The following IRAK3 variants were observed in gnomAD, a reference collection of about 807,000 sequenced individuals.
The protein encoded by IRAK3 is interleukin-1 receptor-associated kinase 3.
Under a neutral mutation model 56.6 loss-of-function variants are expected in IRAK3, and 57 were observed. That is an observed-to-expected ratio of 1.01 (90% CI 0.81 to 1.26). The LOEUF is 1.26. Ranked by LOEUF, IRAK3 falls within the 50% of genes most tolerant of loss-of-function variation. The pLI is 0.00. For synonymous variants in IRAK3, 258 were observed against 255.7 expected, an observed-to-expected ratio of 1.01 and a Z score of -0.09; for missense variants, 703 against 719.0, an observed-to-expected ratio of 0.98 and a Z score of 0.25.
intron 8 of IRAK3, chr12:66,234,311 G>C (rs1010913654): frequency 1.2e-6 from 2 of 1,612,674 alleles, no homozygotes; most frequent in Non-Finnish European, 1.7e-6. Flanking sequence ...TAGTGACATG[G>C]TGTGCTCCAT....
chr12:66,211,918 C>G (rs1185946980), intron 5 of IRAK3, among the ~76,000 whole-genome samples: 1 of 152,084 alleles, frequency 6.6e-6, no homozygotes, highest in East Asian at 1.9e-4. Context: ...TGAGACCAGC[C>G]TGATCAACAG....
chr12:66,244,816 G>A (rs2053010790), intron 9 of IRAK3, 132 bp downstream of exon 9: 3 of 1,059,288 alleles, frequency 2.8e-6, no homozygotes, highest in Non-Finnish European at 4.3e-6. Context: ...TTAATTTTGT[G>A]TAATCAAGCA....
At chr12:66,235,317 G>GCGGGCA in intron 8 of IRAK3, 1 of 1,230,448 alleles carries the variant, frequency 8.1e-7, no homozygotes, top group South Asian at 2.5e-5. Context: ...GGGCGCGGGC[G>GCGGGCA]CGGGGCAGCC....
Position 66,244,426 on chromosome 12 carries a change from T to G in IRAK3, c.888-60T>G, listed in dbSNP as rs578146425. ...GAAGAAGGTGAGTTTATAGTATGTTTGTTTACACTGAAGTGCCTTTATGAT... is the reference window on the plus strand; with the variant it reads ...GAAGAAGGTGAGTTTATAGTATGTTGGTTTACACTGAAGTGCCTTTATGAT... On this transcript the variant is annotated intron_variant, in intron 8 of 11. Transcript: ENST00000261233. 1.1e-4 allele frequency: 141 copies of G among 1,259,306 alleles called. 5 individuals carry two copies. The South Asian group carries it at 1.7e-3, about 15-fold the overall frequency. 78.0% of individuals were successfully genotyped at this position (1,259,306 alleles called of 1,614,324 possible). A position where few individuals can be genotyped will look rare whatever the true frequency, so the allele number is the denominator to read the frequency against.
chr12:66,225,142 A>G (rs2052772656), intron 6 of IRAK3, among the ~76,000 whole-genome samples: 1 of 152,112 alleles, frequency 6.6e-6, no homozygotes, highest in African/African-American at 2.4e-5. Flanking sequence ...GGCTCTGTCT[A>G]TCTGATGTCC....
chr12:66,197,387 C>T (rs1164423256), intron 1 of IRAK3: 1 of 991,548 alleles, frequency 1.0e-6, no homozygotes, highest in African/African-American at 1.7e-5. Flanking sequence ...ATGTAATTAA[C>T]ATGTTGAGAG....
At chr12:66,238,353 T>A (rs987890888) in intron 8 of IRAK3, among the ~76,000 whole-genome samples, 1 of 152,184 alleles carries the variant, frequency 6.6e-6, no homozygotes, top group African/African-American at 2.4e-5. Context: ...CCAGCAAGCC[T>A]GAGTTCAGGT....
chr12:66,232,728 C>T (rs1473872848), intron 8 of IRAK3, among the ~76,000 whole-genome samples: 1 of 152,094 alleles, frequency 6.6e-6, no homozygotes, highest in African/African-American at 2.4e-5. Context: ...GCCTGTTTTG[C>T]CTTTGTCATA....
chr12:66,236,853 G>A (rs1229655134), intron 8 of IRAK3, among the ~76,000 whole-genome samples: 1 of 152,236 alleles, frequency 6.6e-6, no homozygotes, highest in South Asian at 2.1e-4. Context: ...ATCAGAATGA[G>A]GTCAGATATG....
chr12:66,201,526 A>G (rs1193883512), intron 1 of IRAK3, among the ~76,000 whole-genome samples: 1 of 152,196 alleles, frequency 6.6e-6, no homozygotes, highest in Non-Finnish European at 1.5e-5. Context: ...GATTGGGAAT[A>G]TTATCATAGG....
chr12:66,234,933 A>T lies in IRAK3; in HGVS notation c.887+6563A>T, dbSNP rs537198433. 2.4e-4 allele frequency: 383 copies of T among 1,614,196 alleles called. 4 individuals are homozygous for T. The African/African-American group carries it at 4.6e-3, about 20-fold the overall frequency. ...TGAACCCCACTGGCCTTCAGGGCAGACACAGCTTTTTGAGCTGCTGCAGGG... is the reference window on the plus strand; with the variant it reads ...TGAACCCCACTGGCCTTCAGGGCAGTCACAGCTTTTTGAGCTGCTGCAGGG... On this transcript the variant is annotated intron_variant, in intron 8 of 11. Transcript: ENST00000261233.
At chr12:66,234,905 G>C in intron 8 of IRAK3, 2 of 1,614,162 alleles carry the variant, frequency 1.2e-6, no homozygotes, top group Non-Finnish European at 1.7e-6. Flanking sequence ...TGCCATTTGA[G>C]CTTGAACCCC....
Position 66,221,109 on chromosome 12 carries a change from T to C in IRAK3, c.653+3874T>C, listed in dbSNP as rs192273015. The stretch of plus-strand genomic sequence containing the variant: ...CTCCTTGGTTAAATTTATTCCTAAG[T>C]GTTTTATTCTTTTTAATGCTGTTGT... On this transcript the variant is annotated intron_variant, in intron 6 of 11. Coordinates refer to ENST00000261233, the MANE Select transcript of IRAK3 (RefSeq NM_007199.3). Among the ~76,000 whole-genome samples the C allele has an allele frequency of 5.3e-5, 8 of 152,314 alleles. No homozygotes were observed. In the East Asian group the frequency reaches 1.5e-3, roughly 29 times the overall value.
At chr12:66,227,708 T>A (rs1363524224) in intron 7 of IRAK3, among the ~76,000 whole-genome samples, 1 of 150,260 alleles carries the variant, frequency 6.7e-6, no homozygotes, top group Admixed American at 6.7e-5. Context: ...TGTAGTGAGC[T>A]ATGATTCTGC....
rs142289885 is a variant in IRAK3, at chr12:66,199,569, A to T, written c.134-4142A>T. Among the ~76,000 whole-genome samples the T allele has an allele frequency of 2.5e-3, 384 of 152,326 alleles. 1 individual carries two copies. The highest frequency in any genetic ancestry group is 8.9e-3 in the African/African-American group (372 of 41,568). On this transcript the variant is annotated intron_variant, in intron 1 of 11. Coordinates refer to ENST00000261233, the MANE Select transcript of IRAK3 (RefSeq NM_007199.3). ...AAGTACTCAGTTTTAGACATGGCATAGCTCAGGCTCCAGAAGCCACCCCTC... is the reference window on the plus strand; with the variant it reads ...AAGTACTCAGTTTTAGACATGGCATTGCTCAGGCTCCAGAAGCCACCCCTC...
rs955589993 is a variant in IRAK3, at chr12:66,250,014, A to G, written c.*1843A>G. On this transcript the variant is annotated 3_prime_UTR_variant, in exon 12 of 12. Coordinates refer to ENST00000261233, the MANE Select transcript of IRAK3 (RefSeq NM_007199.3). Reference sequence around the variant, plus strand: ...TGTAAGGGCCATCTCTTCAGAGCCTAATGTGTCATCCTACACAGAGCAGGT... The same window carrying G: ...TGTAAGGGCCATCTCTTCAGAGCCTGATGTGTCATCCTACACAGAGCAGGT... The G allele has an allele frequency of 6.6e-6, 1 of 152,210 alleles. No individual in the cohort carries two copies. Among genetic ancestry groups the G allele is most frequent in the South Asian group, 2.1e-4 (1 of 4,828 alleles). 9.4% of individuals were successfully genotyped at this position (152,210 alleles called of 1,614,324 possible).
At chr12:66,207,903 T>A (rs1022062875) in intron 2 of IRAK3, among the ~76,000 whole-genome samples, 1 of 152,212 alleles carries the variant, frequency 6.6e-6, no homozygotes, top group Non-Finnish European at 1.5e-5. Context: ...ATGATTTTAA[T>A]CCTTACACAT....
At chr12:66,234,782 C>T (rs1057196146) in intron 8 of IRAK3, 52 of 1,597,000 alleles carry the variant, frequency 3.3e-5, no homozygotes, top group Non-Finnish European at 4.4e-5. Context: ...ACGTAGTATC[C>T]TTGTAGAAAT....
In IRAK3 at chr12:66,247,696, T is replaced by C; in HGVS notation, c.1316T>C (p.Val439Ala). The C allele has an allele frequency of 6.3e-7, 1 of 1,598,156 alleles. No individual in the cohort carries two copies. Among genetic ancestry groups the C allele is most frequent in the Non-Finnish European group, 8.6e-7 (1 of 1,165,492 alleles). Residue 439 changes from valine to alanine, a missense_variant and splice_region_variant, in exon 12 of 12, where the codon GTT becomes GCT. Coordinates refer to ENST00000261233, the MANE Select transcript of IRAK3 (RefSeq NM_007199.3). ...RAKLRPSMDE[V>A]LNTLESTQAS... is the part of the protein sequence containing the mutation. ...GTCTGTTTGCTTCTTTGTTATTAGGTTTTAAATACTCTTGAAAGTACTCAA... is the reference window on the plus strand; with the variant it reads ...GTCTGTTTGCTTCTTTGTTATTAGGCTTTAAATACTCTTGAAAGTACTCAA...
Sources: gnomAD v4.1 joint callset for allele counts (sites outside exome capture counted in the v4.1 genomes callset) on GRCh38, gnomAD v4.1.1 for gene constraint, MANE v1.5 for transcripts, NCBI Gene and HGNC (gene_info 2026-07-23, HGNC 2026-07-21) for gene names.